EIF4G3: variants seen among roughly 807,000 people sequenced by gnomAD.
EIF4G3 encodes the protein eIF-4-gamma 3.
EIF4G3 carries 34 observed loss-of-function variants against 186.4 expected under a neutral mutation model. That is an observed-to-expected ratio of 0.18 (90% CI 0.14 to 0.24). The LOEUF (loss-of-function observed/expected upper bound fraction) is 0.24. Ranked by LOEUF, EIF4G3 falls within the 10% of genes least tolerant of loss-of-function variation. The probability of loss-of-function intolerance (pLI) is 1.00; values close to 1 mark genes in which losing one functional copy is unlikely to be tolerated. For missense variants in EIF4G3, 1,536 were observed against 1,948.5 expected, an observed-to-expected ratio of 0.79 and a Z score of 3.99; for synonymous variants, 673 against 679.5, an observed-to-expected ratio of 0.99 and a Z score of 0.15.
chr1:21,034,928 AGG>A (rs953058662), intron 4 of EIF4G3, among the ~76,000 whole-genome samples: 1 of 151,978 alleles, frequency 6.6e-6, no homozygotes, highest in Admixed American at 6.5e-5. Flanking sequence ...AAGCCAGGCA[AGG>A]GGGAGCCCTG....
At chr1:20,961,622 T>A (rs533190489) in intron 12 of EIF4G3, among the ~76,000 whole-genome samples, 29 of 152,284 alleles carry the variant, frequency 1.9e-4, no homozygotes, top group African/African-American at 5.8e-4. Flanking sequence ...AACCATATAG[T>A]GTATACAAAT....
intron 22 of EIF4G3, among the ~76,000 whole-genome samples, chr1:20,862,686 T>C (rs2076624881): frequency 6.6e-6 from 1 of 152,226 alleles, no homozygotes; most frequent in African/African-American, 2.4e-5. Flanking sequence ...GTGCTGGAAT[T>C]TCAGGCATTA....
chr1:21,036,907 T>C (rs1000098243), intron 4 of EIF4G3, among the ~76,000 whole-genome samples: 1 of 152,088 alleles, frequency 6.6e-6, no homozygotes, highest in African/African-American at 2.4e-5. Flanking sequence ...AAAAGCTTAT[T>C]TATGAGTTAC....
intron 3 of EIF4G3, among the ~76,000 whole-genome samples, chr1:21,056,818 T>C (rs1401634233): frequency 6.6e-6 from 1 of 152,174 alleles, no homozygotes; most frequent in African/African-American, 2.4e-5. Flanking sequence ...AGCAGAGGTG[T>C]AGAACAGCTG....
chr1:20,958,058 T>C (rs1201455953), intron 12 of EIF4G3, among the ~76,000 whole-genome samples: 1 of 152,062 alleles, frequency 6.6e-6, no homozygotes, highest in Non-Finnish European at 1.5e-5. Flanking sequence ...ATGAAGCCAG[T>C]ATCACCCTGA....
intron 2 of EIF4G3, among the ~76,000 whole-genome samples, chr1:21,097,282 A>G (rs2096397909): frequency 1.3e-5 from 2 of 152,188 alleles, no homozygotes; most frequent in Non-Finnish European, 2.9e-5. Context: ...TGATGCAGCT[A>G]ATGATCAGAC....
chr1:20,869,703 A>T (rs2078615087), intron 20 of EIF4G3, among the ~76,000 whole-genome samples: 1 of 140,236 alleles, frequency 7.1e-6, no homozygotes, highest in Admixed American at 7.9e-5. Flanking sequence ...TGAACCCGGG[A>T]GGCGAAGCTT....
chr1:21,093,840 A>C (rs2096274783), intron 2 of EIF4G3, among the ~76,000 whole-genome samples: 3 of 152,182 alleles, frequency 2.0e-5, no homozygotes, highest in African/African-American at 7.2e-5. Flanking sequence ...CATTCTCAGC[A>C]AACTATCACA....
chr1:21,096,879 CA>C (rs2096386067), intron 2 of EIF4G3, among the ~76,000 whole-genome samples: 1 of 152,100 alleles, frequency 6.6e-6, no homozygotes, highest in Non-Finnish European at 1.5e-5. Flanking sequence ...AATGTAATTT[CA>C]AAAAGTGAAT....
intron 12 of EIF4G3, among the ~76,000 whole-genome samples, chr1:20,961,518 T>C (rs1252393467): frequency 3.3e-5 from 5 of 152,260 alleles, no homozygotes; most frequent in African/African-American, 9.6e-5. Flanking sequence ...ATTTGAATTC[T>C]TCTCTGCTAG....
chr1:20,835,439 C>T (rs915715627), intron 30 of EIF4G3, among the ~76,000 whole-genome samples: 3 of 151,864 alleles, frequency 2.0e-5, no homozygotes, highest in Non-Finnish European at 2.9e-5. Context: ...CAATGATACT[C>T]GGAGTTGTAT....
intron 3 of EIF4G3, among the ~76,000 whole-genome samples, chr1:21,059,663 T>C (rs2094781247): frequency 6.6e-6 from 1 of 152,090 alleles, no homozygotes; most frequent in Non-Finnish European, 1.5e-5. Context: ...ATTTTAACCT[T>C]AAAAAAGAAA....
intron 2 of EIF4G3, among the ~76,000 whole-genome samples, chr1:21,121,497 G>T (rs980487776): frequency 1.7e-4 from 26 of 152,080 alleles, no homozygotes; most frequent in African/African-American, 6.0e-4. Context: ...CCACCTAGCC[G>T]GGCACAGTGG....
At chr1:21,118,259 G>C (rs952049770) in intron 2 of EIF4G3, among the ~76,000 whole-genome samples, 2 of 152,162 alleles carry the variant, frequency 1.3e-5, no homozygotes, top group Admixed American at 1.3e-4. Context: ...CCGTATTTCA[G>C]TATACAACAC....
chr1:21,162,466 G>A (rs927176394), intron 2 of EIF4G3, among the ~76,000 whole-genome samples: 1 of 146,902 alleles, frequency 6.8e-6, no homozygotes, highest in African/African-American at 2.5e-5. Flanking sequence ...AAAAAAAAAG[G>A]TGGGACACAG....
At chr1:20,811,145 G>T (rs2059155372) in intron 35 of EIF4G3, among the ~76,000 whole-genome samples, 1 of 151,494 alleles carries the variant, frequency 6.6e-6, no homozygotes. Context: ...GCAGAGACAG[G>T]GTTTCACCAT....
At chr1:20,823,206 C>T (rs2154546493) in intron 33 of EIF4G3, among the ~76,000 whole-genome samples, 1 of 152,176 alleles carries the variant, frequency 6.6e-6, no homozygotes, top group African/African-American at 2.4e-5. Context: ...CTAGAAGTCT[C>T]AGCCACTGTC....
chr1:21,019,171 A>C (rs2090045384), intron 4 of EIF4G3, among the ~76,000 whole-genome samples: 1 of 152,188 alleles, frequency 6.6e-6, no homozygotes, highest in African/African-American at 2.4e-5. Flanking sequence ...TAGAGGCACG[A>C]GTCACCACAT....
At chr1:20,861,466 A>G (rs762897551) in intron 23 of EIF4G3, among the ~76,000 whole-genome samples, 1 of 152,216 alleles carries the variant, frequency 6.6e-6, no homozygotes, top group African/African-American at 2.4e-5. Context: ...GAAAACACCA[A>G]TATCTGAGCT....
Sources: allele counts gnomAD v4.1 joint callset (sites outside exome capture counted in the v4.1 genomes callset), GRCh38; gene constraint gnomAD v4.1.1; transcripts MANE v1.5; gene names NCBI Gene and HGNC (gene_info 2026-07-23, HGNC 2026-07-21).